The following REDIC1 variants were observed in gnomAD, a reference collection of about 807,000 sequenced individuals.
REDIC1 encodes HEI10 Interacting Protein 1.
the REDIC1 span, among the ~76,000 whole-genome samples, chr12:39,679,050 G>T: frequency 6.6e-6 from 1 of 152,070 alleles, no homozygotes; most frequent in Non-Finnish European, 1.5e-5. Flanking sequence ...AGACAAGGAT[G>T]CCCACTTTCA....
the REDIC1 span, among the ~76,000 whole-genome samples, chr12:39,803,204 C>CAA: frequency 0.29 from 20,955 of 73,320 alleles, 1,842 homozygotes; most frequent in South Asian, 0.42. Flanking sequence ...GAAGCAAATG[C>CAA]AAAAAAAAAA....
the REDIC1 span, among the ~76,000 whole-genome samples, chr12:39,670,864 T>C: frequency 4.6e-5 from 7 of 152,246 alleles, no homozygotes; most frequent in African/African-American, 1.7e-4. Context: ...ATTTCATTCA[T>C]TGACTTTTTC....
At chr12:39,883,935 A>C in the REDIC1 span, among the ~76,000 whole-genome samples, 8 of 152,168 alleles carry the variant, frequency 5.3e-5, no homozygotes, top group African/African-American at 1.2e-4. Context: ...AGGCAAATCC[A>C]TCAAAACGTT....
At chr12:39,671,260 A>G in the REDIC1 span, among the ~76,000 whole-genome samples, 1 of 152,200 alleles carries the variant, frequency 6.6e-6, no homozygotes, top group Non-Finnish European at 1.5e-5. Flanking sequence ...GATTCTGGAT[A>G]CATGCAGTAG....
At chr12:39,821,550 G>C in the REDIC1 span, among the ~76,000 whole-genome samples, 1 of 152,140 alleles carries the variant, frequency 6.6e-6, no homozygotes, top group African/African-American at 2.4e-5. Context: ...AGCTTAATGC[G>C]TTGCTCACAC....
chr12:39,780,174 G>A, the REDIC1 span, among the ~76,000 whole-genome samples: 39 of 151,980 alleles, frequency 2.6e-4, no homozygotes, highest in African/African-American at 8.7e-4. Flanking sequence ...ACAATTCAAA[G>A]CAATAGCATC....
At chr12:39,662,315 A>C in the REDIC1 span, among the ~76,000 whole-genome samples, 2 of 150,474 alleles carry the variant, frequency 1.3e-5, no homozygotes, top group Non-Finnish European at 2.9e-5. Flanking sequence ...TATTTTATCA[A>C]ATATTTGTAG....
At chr12:39,904,936 C>T in the REDIC1 span, among the ~76,000 whole-genome samples, 3 of 152,096 alleles carry the variant, frequency 2.0e-5, no homozygotes, top group Admixed American at 1.3e-4. Flanking sequence ...ACACATAAGG[C>T]ATGCCACTTT....
the REDIC1 span, among the ~76,000 whole-genome samples, chr12:39,710,504 C>T: frequency 1.3e-3 from 202 of 151,864 alleles, no homozygotes; most frequent in East Asian, 0.025. Context: ...TTTAATTCAT[C>T]CTTAGGTGAC....
chr12:39,744,244 G>A, the REDIC1 span, among the ~76,000 whole-genome samples: 1 of 152,138 alleles, frequency 6.6e-6, no homozygotes, highest in Non-Finnish European at 1.5e-5. Flanking sequence ...TCCTTCAAAA[G>A]TAAAGGTGAA....
chr12:39,804,903 G>A, the REDIC1 span, among the ~76,000 whole-genome samples: 4 of 152,178 alleles, frequency 2.6e-5, no homozygotes, highest in Non-Finnish European at 1.5e-5. Context: ...AGGGCTCTCA[G>A]GGAAGGCACT....
the REDIC1 span, among the ~76,000 whole-genome samples, chr12:39,889,786 T>C: frequency 2.6e-5 from 4 of 152,122 alleles, no homozygotes; most frequent in Non-Finnish European, 1.5e-5. Flanking sequence ...CGCCTTGGCC[T>C]CCCAAAGTGT....
chr12:39,714,154 C>CGTATGTATACGTGTAT, the REDIC1 span, among the ~76,000 whole-genome samples: 289 of 131,100 alleles, frequency 2.2e-3, 1 homozygote, highest in Admixed American at 3.0e-3. Context: ...TATGTATATA[C>CGTATGTATACGTGTAT]ATGCATATAT....
chr12:39,703,498 G>T, the REDIC1 span, among the ~76,000 whole-genome samples: 1 of 151,144 alleles, frequency 6.6e-6, no homozygotes, highest in Non-Finnish European at 1.5e-5. Flanking sequence ...TCGTGAAAAT[G>T]GCCATACTGC....
At chr12:39,656,008 AAC>A in the REDIC1 span, among the ~76,000 whole-genome samples, 1 of 151,998 alleles carries the variant, frequency 6.6e-6, no homozygotes, top group Non-Finnish European at 1.5e-5. Flanking sequence ...TCTAATGTTA[AAC>A]CAACCTTGTA....
the REDIC1 span, among the ~76,000 whole-genome samples, chr12:39,720,587 T>G: frequency 6.6e-6 from 1 of 152,118 alleles, no homozygotes; most frequent in Non-Finnish European, 1.5e-5. Flanking sequence ...TTAGAATTCA[T>G]AGCCTCCTGG....
At chr12:39,824,258 G>A in the REDIC1 span, among the ~76,000 whole-genome samples, 2 of 152,172 alleles carry the variant, frequency 1.3e-5, no homozygotes, top group Non-Finnish European at 2.9e-5. Flanking sequence ...TTCCCCAGTG[G>A]CAATTTTTCT....
the REDIC1 span, among the ~76,000 whole-genome samples, chr12:39,727,776 T>C: frequency 6.6e-6 from 1 of 152,228 alleles, no homozygotes; most frequent in Non-Finnish European, 1.5e-5. Flanking sequence ...TGATTCTTCC[T>C]ATCCACGAGC....
the REDIC1 span, among the ~76,000 whole-genome samples, chr12:39,685,392 G>A: frequency 2.0e-5 from 3 of 152,112 alleles, no homozygotes; most frequent in Non-Finnish European, 4.4e-5. Context: ...GTCTCACATG[G>A]CAGGAGCAGG....
Sources: allele counts gnomAD v4.1 joint callset (sites outside exome capture counted in the v4.1 genomes callset), GRCh38; gene constraint gnomAD v4.1.1; transcripts MANE v1.5; gene names NCBI Gene and HGNC (gene_info 2026-07-23, HGNC 2026-07-21).